The following VOPP1 variants were observed in gnomAD, a reference collection of about 807,000 sequenced individuals.
The protein encoded by VOPP1 is WW domain binding protein VOPP1.
A neutral mutation model predicts 23.5 loss-of-function variants in VOPP1; 8 were observed. The observed-to-expected ratio is 0.34, with a 90% CI of 0.20 to 0.61. VOPP1 has a LOEUF of 0.61. VOPP1 is among the 20% of genes least tolerant of loss of function. The pLI, the probability that VOPP1 is intolerant of heterozygous loss-of-function variation, is 0.78. For missense variants in VOPP1, 174 were observed against 238.1 expected (o/e 0.73, Z 1.77); for synonymous variants, 83 against 97.3 (o/e 0.85, Z 0.86).
chr7:55,538,815 T>TA (rs756997390), intron 1 of VOPP1: 6,083 of 132,352 alleles, frequency 0.046, 434 homozygotes, highest in African/African-American at 0.15. Context: ...CAACATTTCT[T>TA]AAAAAAAAAA....
chr7:55,515,842 G>T, intron 2 of VOPP1: 1 of 413,970 alleles, frequency 2.4e-6, no homozygotes, highest in Non-Finnish European at 3.3e-6. Context: ...TCTGACAAAC[G>T]CCACCTTAGT....
rs544057624 is a variant in VOPP1 at position 55,441,138 on chromosome 7, C to T, written n.418-4964G>A. On this transcript the variant is annotated intron_variant and non_coding_transcript_variant, in intron 4 of 4. Coordinates refer to the VOPP1 transcript ENST00000462326. ...ACCCCATAGCCTCTAGGTTGCTTGC[C>T]GGCACAGAGCCGCCCGCTCTGCAGA... Among the ~76,000 whole-genome samples the T allele has an allele frequency of 1.4e-4, 22 of 152,300 alleles. No homozygotes were observed. In the South Asian group the frequency reaches 4.1e-3, roughly 29 times the overall value.
At chr7:55,490,738 A>G (rs1258177209) in intron 4 of VOPP1, among the ~76,000 whole-genome samples, 1 of 152,236 alleles carries the variant, frequency 6.6e-6, no homozygotes, top group Non-Finnish European at 1.5e-5. Flanking sequence ...AACGATTCAA[A>G]TATTTCCAAA....
At chr7:55,474,589 C>A (rs1031874711) in intron 4 of VOPP1, among the ~76,000 whole-genome samples, 1 of 152,210 alleles carries the variant, frequency 6.6e-6, no homozygotes, top group Non-Finnish European at 1.5e-5. Context: ...CCCCAACAGG[C>A]AGGGCAATAC....
intron 4 of VOPP1, among the ~76,000 whole-genome samples, chr7:55,490,836 A>T (rs1793512143): frequency 6.6e-6 from 1 of 152,228 alleles, no homozygotes; most frequent in Non-Finnish European, 1.5e-5. Context: ...ACTGCTGTGG[A>T]AAATATATAT....
At chr7:55,567,326 T>C (rs1194259795) in intron 1 of VOPP1, among the ~76,000 whole-genome samples, 2 of 152,176 alleles carry the variant, frequency 1.3e-5, no homozygotes, top group East Asian at 1.9e-4. Context: ...ATTTTAAAGA[T>C]AGTTATGGGA....
At chr7:55,560,047 G>C (rs1797934811) in intron 1 of VOPP1, among the ~76,000 whole-genome samples, 1 of 152,240 alleles carries the variant, frequency 6.6e-6, no homozygotes, top group African/African-American at 2.4e-5. Context: ...CCGCTACTTG[G>C]GAGGCTGAGG....
At chr7:55,506,447 T>C (rs1377234740) in intron 2 of VOPP1, among the ~76,000 whole-genome samples, 1 of 152,234 alleles carries the variant, frequency 6.6e-6, no homozygotes, top group Non-Finnish European at 1.5e-5. Flanking sequence ...GTGATTTTCC[T>C]GCCTCAGCCT....
At chr7:55,492,944 T>C (rs1005484691) in intron 3 of VOPP1, 2 of 152,314 alleles carry the variant, frequency 1.3e-5, no homozygotes, top group African/African-American at 4.8e-5. Flanking sequence ...AGAAGTACCC[T>C]TCCTGGAGCA....
chr7:55,552,780 T>C (rs939929144), intron 1 of VOPP1: 1 of 1,520,128 alleles, frequency 6.6e-7, no homozygotes, highest in Admixed American at 2.0e-5. Flanking sequence ...AAGTGGAGCC[T>C]GTTCTCCTAG....
chr7:55,548,615 T>C (rs1393133779), intron 1 of VOPP1, among the ~76,000 whole-genome samples: 4 of 152,248 alleles, frequency 2.6e-5, no homozygotes. Flanking sequence ...GCAAGATGCA[T>C]GGGTGTGGGT....
chr7:55,485,340 A>C (rs1286291835), intron 4 of VOPP1, among the ~76,000 whole-genome samples: 2 of 152,222 alleles, frequency 1.3e-5, no homozygotes, highest in South Asian at 4.1e-4. Flanking sequence ...ACATCCTTCA[A>C]AAGTATTTTC....
At chr7:55,527,937 G>A (rs550249658) in intron 1 of VOPP1, among the ~76,000 whole-genome samples, 1 of 46,906 alleles carries the variant, frequency 2.1e-5, no homozygotes, top group East Asian at 3.9e-4. Context: ...GCAGACAAGA[G>A]CATAAGGGAA....
intron 1 of VOPP1, chr7:55,521,662 G>A: frequency 4.1e-6 from 4 of 987,540 alleles, no homozygotes; most frequent in Non-Finnish European, 4.8e-6. Context: ...GAAAGACAAT[G>A]GGAGCCTCTC....
chr7:55,449,704 G>A (rs111434174), intron 4 of VOPP1, among the ~76,000 whole-genome samples: 3,090 of 152,266 alleles, frequency 0.02, 99 homozygotes, highest in African/African-American at 0.068. Flanking sequence ...TCTGGCCACC[G>A]AGCCTGTCCT....
chr7:55,522,250 G>A (rs535019468), intron 1 of VOPP1, among the ~76,000 whole-genome samples: 51 of 152,208 alleles, frequency 3.4e-4, no homozygotes, highest in Non-Finnish European at 6.0e-4. Flanking sequence ...GCATGCCATG[G>A]GAGAGGTGAG....
intron 1 of VOPP1, among the ~76,000 whole-genome samples, chr7:55,527,789 T>C (rs542816789): frequency 2.4e-4 from 37 of 152,284 alleles, no homozygotes; most frequent in Middle Eastern, 3.4e-3. Flanking sequence ...GTGATAGATA[T>C]GAGAATTTTT....
At chr7:55,436,706 A>G (rs1790839773) in intron 4 of VOPP1, among the ~76,000 whole-genome samples, 1 of 152,076 alleles carries the variant, frequency 6.6e-6, no homozygotes, top group Admixed American at 6.6e-5. Flanking sequence ...GTGTGTGTGC[A>G]TGCATATGTG....
At chr7:55,440,226 G>T (rs1321289590) in intron 4 of VOPP1, among the ~76,000 whole-genome samples, 1 of 152,188 alleles carries the variant, frequency 6.6e-6, no homozygotes, top group Non-Finnish European at 1.5e-5. Context: ...TCGTGAGTGG[G>T]GACAAAAGCT....
Sources: gnomAD v4.1 joint callset for allele counts (sites outside exome capture counted in the v4.1 genomes callset) on GRCh38, gnomAD v4.1.1 for gene constraint, MANE v1.5 for transcripts, NCBI Gene and HGNC (gene_info 2026-07-23, HGNC 2026-07-21) for gene names.